The following CAB39L variants were observed in gnomAD, a reference collection of about 807,000 sequenced individuals.
CAB39L encodes calcium-binding protein 39-like.
A neutral mutation model predicts 39.1 loss-of-function variants in CAB39L; 23 were observed. The observed-to-expected ratio is 0.59, with a 90% confidence interval of 0.42 to 0.83. CAB39L has a LOEUF of 0.83. Among genes scored for constraint, CAB39L ranks in the 40% least tolerant of loss-of-function variants. The pLI is 0.00. For synonymous variants in CAB39L, 126 were observed against 137.2 expected (o/e 0.92, Z 0.57); for missense variants, 366 against 391.9 (o/e 0.93, Z 0.56).
At position 49,350,825 on chromosome 13, in the gene CAB39L, A is replaced by G; in HGVS notation, c.483T>C (p.Phe161=). 1 of 1,612,682 alleles carries G rather than the reference A, an allele frequency of 6.2e-7. No individual in the cohort carries two copies. Among genetic ancestry groups the G allele is most frequent in the Non-Finnish European group, 8.5e-7 (1 of 1,179,228 alleles). The stretch of plus-strand genomic sequence containing the variant: ...TAAAGAAATCTCTGAATTGATTAGA[A>G]AAGAGGATGATTTTGGCAAGTGGTT... The part of the protein sequence containing the change: ...RHEPLAKIIL[F]SNQFRDFFKY... Residue 161 remains phenylalanine (F), a synonymous_variant, in exon 7 of 11, where the codon TTT becomes TTC. Transcript: ENST00000409308.
At chr13:49,432,321 A>T (rs1435962847) in intron 3 of CAB39L, among the ~76,000 whole-genome samples, 1 of 152,086 alleles carries the variant, frequency 6.6e-6, no homozygotes, top group African/African-American at 2.4e-5. Context: ...TTTATTGTAG[A>T]GACAGGGTTT....
chr13:49,359,152 A>C (rs931330406), intron 6 of CAB39L, among the ~76,000 whole-genome samples: 7 of 152,182 alleles, frequency 4.6e-5, no homozygotes, highest in African/African-American at 1.7e-4. Flanking sequence ...TTTATGATTC[A>C]GAGTAGCCTC....
chr13:49,442,397 CA>C (rs1957539396), intron 1 of CAB39L, among the ~76,000 whole-genome samples: 1 of 152,058 alleles, frequency 6.6e-6, no homozygotes, highest in Admixed American at 6.5e-5. Flanking sequence ...TAGAAAAGGT[CA>C]AAAGGTATAT....
chr13:49,373,175 C>G (rs1955966288), intron 5 of CAB39L, among the ~76,000 whole-genome samples: 1 of 152,158 alleles, frequency 6.6e-6, no homozygotes, highest in Non-Finnish European at 1.5e-5. Flanking sequence ...CCCTCCAAAC[C>G]TTTCTCCTTT....
At chr13:49,395,454 G>A (rs1319502710) in intron 3 of CAB39L, among the ~76,000 whole-genome samples, 1 of 151,880 alleles carries the variant, frequency 6.6e-6, no homozygotes. Flanking sequence ...GGCTGGTCTG[G>A]AACTCCTGAC....
chr13:49,314,879 T>A (rs1215957323), intron 10 of CAB39L, among the ~76,000 whole-genome samples: 2 of 152,224 alleles, frequency 1.3e-5, no homozygotes, highest in Non-Finnish European at 2.9e-5. Flanking sequence ...TGCATTCAAA[T>A]GGTACATGGC....
intron 5 of CAB39L, among the ~76,000 whole-genome samples, chr13:49,372,308 A>G (rs866762981): frequency 3.4e-4 from 52 of 152,300 alleles, no homozygotes; most frequent in Admixed American, 1.4e-3. Flanking sequence ...ATAAAAATTT[A>G]TAGCTACATA....
At chr13:49,410,470 T>C (rs1429803621) in intron 3 of CAB39L, among the ~76,000 whole-genome samples, 1 of 151,324 alleles carries the variant, frequency 6.6e-6, no homozygotes, top group Non-Finnish European at 1.5e-5. Flanking sequence ...AAATTTTATG[T>C]TGGAGAATCA....
intron 6 of CAB39L, among the ~76,000 whole-genome samples, chr13:49,353,610 C>A (rs777932309): frequency 2.0e-5 from 3 of 152,006 alleles, no homozygotes; most frequent in Admixed American, 2.0e-4. Flanking sequence ...CTCCTTGAAG[C>A]CTTTCCTAAT....
At chr13:49,351,011 G>A in intron 6 of CAB39L, 99 bp from the exon 7 acceptor site, 1 of 808,588 alleles carries the variant, frequency 1.2e-6, no homozygotes, top group Non-Finnish European at 1.8e-6. Context: ...ATTAATGGAA[G>A]CATACATACC....
At chr13:49,376,918 G>GATAGATAGATAGATAGATAT (rs768317269) in intron 5 of CAB39L, 49 bp downstream of exon 5, 4 of 1,435,190 alleles carry the variant, frequency 2.8e-6, no homozygotes, top group Non-Finnish European at 2.9e-6. Context: ...TAGATAGATA[G>GATAGATAGATAGATAGATAT]ATATTAAAAT....
Position 49,350,216 on chromosome 13 carries a change from C to T in CAB39L, c.564+528G>A, listed in dbSNP as rs188925246. On this transcript the variant is annotated intron_variant, in intron 7 of 10. Transcript: ENST00000409308. ...CAAACTATAGATGATTATGAAACAA[C>T]GACAATATAATTTCTTACTATTTTG... 2.4e-3 allele frequency among the ~76,000 whole-genome samples: 363 copies of T among 152,182 alleles called. 1 individual carries two copies. Among genetic ancestry groups the T allele is most frequent in the African/African-American group, 8.3e-3 (343 of 41,520 alleles).
intron 3 of CAB39L, 83 bp downstream of exon 3, chr13:49,433,235 C>A: frequency 3.1e-6 from 1 of 323,934 alleles, no homozygotes; most frequent in Non-Finnish European, 6.0e-6. Context: ...ATTCCTGATA[C>A]ATTTTATTTT....
chr13:49,328,353 C>T (rs147933995), intron 10 of CAB39L, among the ~76,000 whole-genome samples: 2 of 152,256 alleles, frequency 1.3e-5, no homozygotes, highest in African/African-American at 4.8e-5. Flanking sequence ...GTAAGAAGAA[C>T]ACCTATTTAT....
chr13:49,409,911 TAA>T (rs201528930), intron 3 of CAB39L, among the ~76,000 whole-genome samples: 8,643 of 140,342 alleles, frequency 0.062, 390 homozygotes, highest in East Asian at 0.13. Context: ...TCTCTCTATT[TAA>T]AAAAAAAAAA....
At chr13:49,336,032 G>A (rs1280157741) in intron 9 of CAB39L, among the ~76,000 whole-genome samples, 1 of 151,112 alleles carries the variant, frequency 6.6e-6, no homozygotes, top group African/African-American at 2.4e-5. Context: ...CAGAAACACA[G>A]TTGTGTCAAA....
intron 9 of CAB39L, among the ~76,000 whole-genome samples, chr13:49,332,797 T>C (rs2138397223): frequency 6.6e-6 from 1 of 151,994 alleles, no homozygotes; most frequent in Admixed American, 6.5e-5. Flanking sequence ...ACCATAATTC[T>C]GGAGAACAGA....
intron 8 of CAB39L, among the ~76,000 whole-genome samples, chr13:49,341,873 T>C (rs1317104652): frequency 6.6e-6 from 1 of 152,136 alleles, no homozygotes; most frequent in Admixed American, 6.5e-5. Flanking sequence ...TTTGTATCAA[T>C]TTAAAAAATC....
chr13:49,419,904 G>A (rs1161397754), intron 3 of CAB39L, among the ~76,000 whole-genome samples: 2 of 151,984 alleles, frequency 1.3e-5, no homozygotes, highest in Non-Finnish European at 2.9e-5. Flanking sequence ...CTAAAATCCA[G>A]GGCCAAGATC....
Sources: allele counts gnomAD v4.1 joint callset (sites outside exome capture counted in the v4.1 genomes callset), GRCh38; gene constraint gnomAD v4.1.1; transcripts MANE v1.5; gene names NCBI Gene and HGNC (gene_info 2026-07-23, HGNC 2026-07-21).